Variants in PCSK9 observed in about 807,000 individuals in gnomAD.
PCSK9 encodes the protein convertase subtilisin/kexin type 9 preproprotein.
Under a neutral mutation model 62.1 loss-of-function variants are expected in PCSK9, and 57 were observed. The ratio of observed to expected loss-of-function variants is 0.92; its 90% CI spans 0.74 to 1.14. The LOEUF (loss-of-function observed/expected upper bound fraction) is 1.14, where lower values mean the gene tolerates loss of function less well. Ranked by LOEUF, PCSK9 falls within the 50% of genes most tolerant of loss-of-function variation. The pLI is 0.00. For synonymous variants in PCSK9, 387 were observed against 409.4 expected, an observed-to-expected ratio of 0.95 and a Z score of 0.66; for missense variants, 870 against 959.8, an observed-to-expected ratio of 0.91 and a Z score of 1.24.
At chr1:55,056,910 G>A (rs540429866) in intron 6 of PCSK9, among the ~76,000 whole-genome samples, 195 of 142,806 alleles carry the variant, frequency 1.4e-3, no homozygotes, top group African/African-American at 4.6e-3. Context: ...GAGCAGATGC[G>A]TACCTGACAG....
Position 55,058,552 on chromosome 1 carries a change from A to T in PCSK9, c.1408A>T (p.Met470Leu), listed in dbSNP as rs769573992. The T allele has an allele frequency of 1.2e-6, 2 of 1,612,094 alleles. No individual in the cohort carries two copies. The highest frequency in any genetic ancestry group is 2.2e-5 in the South Asian group (2 of 91,002). The stretch of plus-strand genomic sequence containing the variant: ...GTCAGCACACTCGGGGCCTACACGG[A>T]TGGCCACAGCCGTCGCCCGCTGCGC... ...VWSAHSGPTRMATAVARCAPD... is the reference protein window; with the variant it reads ...VWSAHSGPTRLATAVARCAPD... Residue 470 changes from methionine to leucine, a missense_variant, in exon 9 of 12, where the codon ATG becomes TTG. By Grantham distance (15) the Met-to-Leu change is conservative (BLOSUM62 2). Coordinates refer to ENST00000302118, the MANE Select transcript of PCSK9 (RefSeq NM_174936.4).
chr1:55,053,426 C>T (rs1644690720), intron 5 of PCSK9, among the ~76,000 whole-genome samples: 1 of 152,220 alleles, frequency 6.6e-6, no homozygotes, highest in South Asian at 2.1e-4. Flanking sequence ...TACAGCATGT[C>T]CTGGGGCTGG....
rs1340440495 is a variant in PCSK9 at position 55,063,628 on chromosome 1, G to A, written c.*44G>A. 1.3e-6 allele frequency: 2 copies of A among 1,584,756 alleles called. No homozygotes were observed. Among genetic ancestry groups the A allele is most frequent in the East Asian group, 4.6e-5 (2 of 43,892 alleles). On this transcript the variant is annotated 3_prime_UTR_variant, in exon 12 of 12. Coordinates refer to ENST00000302118, the MANE Select transcript of PCSK9 (RefSeq NM_174936.4). ...GGTGTCTGGGGAGGGTCAAGGGCTG[G>A]GGCTGAGCTTTAAAATGGTTCCGAC...
intron 1 of PCSK9, among the ~76,000 whole-genome samples, chr1:55,041,412 G>T (rs144850665): frequency 5.9e-5 from 9 of 152,246 alleles, no homozygotes; most frequent in Non-Finnish European, 8.8e-5. Context: ...GGATAAGAAA[G>T]GGCATTTCAA....
rs28362247 is a variant in PCSK9 at position 55,054,355 on chromosome 1, C to A, written c.799+1564C>A. On this transcript the variant is annotated intron_variant, in intron 5 of 11. Coordinates refer to ENST00000302118, the MANE Select transcript of PCSK9 (RefSeq NM_174936.4). ...CTGAGATCGTGCCACTGCAATCCAG[C>A]CTGAGTGATAGAGCGAGATTCCATC... 2.1e-3 allele frequency among the ~76,000 whole-genome samples: 313 copies of A among 152,256 alleles called. 2 individuals carry two copies. The highest frequency in any genetic ancestry group is 7.2e-3 in the African/African-American group (301 of 41,542).
At chr1:55,059,748 T>C in intron 10 of PCSK9, 85 bp downstream of exon 10, 1 of 1,477,206 alleles carries the variant, frequency 6.8e-7, no homozygotes, top group Non-Finnish European at 9.2e-7. Flanking sequence ...TCCTCACAAG[T>C]GTGATCCATG....
At chr1:55,058,697 G>GTGTGTGTGTGTGTGTGTGTA (rs1644736076) in intron 9 of PCSK9, 50 bp downstream of exon 9, 40 of 1,551,254 alleles carry the variant, frequency 2.6e-5, no homozygotes, top group Middle Eastern at 4.6e-4. Context: ...GTGTGTGTGT[G>GTGTGTGTGTGTGTGTGTGTA]TGTGTGTGTG....
chr1:55,056,297 G>C (rs1013104760), intron 6 of PCSK9, 108 bp downstream of exon 6: 12 of 1,225,654 alleles, frequency 9.8e-6, no homozygotes, highest in Non-Finnish European at 1.2e-5. Context: ...GGCTTCTTGT[G>C]GCACGTTCCT....
At chr1:55,059,936 A>T (rs1185450887) in intron 10 of PCSK9, among the ~76,000 whole-genome samples, 1 of 152,166 alleles carries the variant, frequency 6.6e-6, no homozygotes, top group Non-Finnish European at 1.5e-5. Flanking sequence ...ACTGGCCTGG[A>T]GTATCGCAGG....
Position 55,040,366 on chromosome 1 carries a change from T to G in PCSK9, c.207+322T>G, listed in dbSNP as rs1341557965. Among the ~76,000 whole-genome samples, 1 of 152,180 alleles carries G rather than the reference T, an allele frequency of 6.6e-6. No individual in the cohort carries two copies. Among genetic ancestry groups the G allele is most frequent in the Non-Finnish European group, 1.5e-5 (1 of 68,018 alleles). On this transcript the variant is annotated intron_variant, in intron 1 of 11. Coordinates refer to ENST00000302118, the MANE Select transcript of PCSK9 (RefSeq NM_174936.4). This position sits in a 1 kb window ranked among gnomAD's most constrained non-coding sequence, Gnocchi z 4.1. ...CGAGCAGAGCACTGCCAGGATATCC[T>G]GCCCAGATTTCCCAGTTTCTGCCTC...
At position 55,056,120 on chromosome 1, in the gene PCSK9, C is replaced by T. The variant is rs1349702593; in HGVS notation, c.927C>T (p.Val309=). 1.3e-6 allele frequency: 2 copies of T among 1,578,030 alleles called. No homozygotes were observed. The highest frequency in any genetic ancestry group is 3.4e-5 in the Admixed American group (2 of 57,986). Residue 309 remains valine, a synonymous_variant, in exon 6 of 12, where the codon GTC becomes GTT. Transcript: ENST00000302118. ...AACQRLARAG[V]VLVTAAGNFR... is the part of the protein sequence containing the mutation. Reference sequence around the variant, plus strand: ...GCCAGCGCCTGGCGAGGGCTGGGGTCGTGCTGGTCACCGCTGCCGGCAACT... The same window carrying T: ...GCCAGCGCCTGGCGAGGGCTGGGGTTGTGCTGGTCACCGCTGCCGGCAACT...
intron 2 of PCSK9, among the ~76,000 whole-genome samples, chr1:55,044,349 C>A (rs2100268739): frequency 1.3e-5 from 2 of 152,254 alleles, no homozygotes; most frequent in Admixed American, 1.3e-4. Context: ...ATTCTTGTGC[C>A]AATGCATCTG....
intron 9 of PCSK9, among the ~76,000 whole-genome samples, chr1:55,058,967 T>G (rs920493540): frequency 1.3e-5 from 2 of 152,228 alleles, no homozygotes; most frequent in Non-Finnish European, 2.9e-5. Context: ...TCTGCTACTC[T>G]GGACTCAGCC....
chr1:55,040,058 G>A lies in PCSK9; in HGVS notation c.207+14G>A, dbSNP rs1247761670. The A allele has an allele frequency of 6.4e-7, 1 of 1,554,804 alleles. No homozygotes were observed. The highest frequency in any genetic ancestry group is 1.4e-5 in the African/African-American group (1 of 73,468). On this transcript the variant is annotated intron_variant, in intron 1 of 11. Coordinates refer to ENST00000302118, the MANE Select transcript of PCSK9 (RefSeq NM_174936.4). The surrounding 1 kb of genome is among the most constrained non-coding windows in gnomAD (Gnocchi z 4.1). ...CGCTGCGCCAAGGTGCGGGTGTAGG[G>A]ATGGGAGGCCGGGGCGAACCCGCAG... is the stretch of plus-strand genomic sequence containing the variant.
At chr1:55,061,304 C>G (rs770406862) in intron 10 of PCSK9, 71 bp from the exon 11 acceptor site, 45 of 1,492,854 alleles carry the variant, frequency 3.0e-5, no homozygotes, top group Non-Finnish European at 3.9e-5. Context: ...GAGAGAGGGT[C>G]TGATGGGGAT....
rs1644616137 is a variant in PCSK9, at chr1:55,043,968, C to T, written c.333C>T (p.Ile111=). The stretch of plus-strand genomic sequence containing the variant: ...CCCGCCGGGGATACCTCACCAAGAT[C>T]CTGCATGTCTTCCATGGCCTTCTTC... ...QAARRGYLTK[I]LHVFHGLLPG... is the part of the protein sequence containing the mutation. Residue 111 remains isoleucine (I), a synonymous_variant, in exon 2 of 12, where the codon ATC becomes ATT. Coordinates refer to ENST00000302118, the MANE Select transcript of PCSK9 (RefSeq NM_174936.4). 6.2e-7 allele frequency: 1 copy of T among 1,614,114 alleles called. No homozygotes were observed. Among genetic ancestry groups the T allele is most frequent in the South Asian group, 1.1e-5 (1 of 91,084 alleles).
intron 11 of PCSK9, among the ~76,000 whole-genome samples, chr1:55,062,192 G>A (rs1490226306): frequency 6.6e-6 from 1 of 152,258 alleles, no homozygotes; most frequent in South Asian, 2.1e-4. Flanking sequence ...TGACAGCCGG[G>A]CCTTCTAGAA....
intron 6 of PCSK9, 48 bp downstream of exon 6, chr1:55,056,237 C>A: frequency 1.8e-5 from 1 of 56,394 alleles, no homozygotes; most frequent in Non-Finnish European, 2.6e-5. Context: ...GGGCGGAGGG[C>A]GGAGGGCGGA....
intron 2 of PCSK9, among the ~76,000 whole-genome samples, chr1:55,044,662 G>A (rs959839123): frequency 6.6e-6 from 1 of 152,192 alleles, no homozygotes; most frequent in South Asian, 2.1e-4. Flanking sequence ...CCTCTAACTT[G>A]ATGAGAGCGT....
Sources: gnomAD v4.1 joint callset for allele counts (sites outside exome capture counted in the v4.1 genomes callset) on GRCh38, gnomAD v4.1.1 for gene constraint, Gnocchi (gnomAD v3.1) non-coding constraint, MANE v1.5 for transcripts, NCBI Gene and HGNC (gene_info 2026-07-23, HGNC 2026-07-21) for gene names.